Variants in CCSER2 observed in about 807,000 individuals in gnomAD.
CCSER2 encodes serine-rich coiled-coil domain-containing protein 2.
Under a neutral mutation model 92.3 loss-of-function variants are expected in CCSER2, and 46 were observed. That is an observed-to-expected ratio of 0.50 (90% confidence interval 0.39 to 0.64). The LOEUF is 0.64. Ranked by LOEUF, CCSER2 falls within the 30% of genes least tolerant of loss-of-function variation. CCSER2 has a pLI of 0.00. For missense variants in CCSER2, 1,244 were observed against 1,238.9 expected, an observed-to-expected ratio of 1.00 and a Z score of -0.06; for synonymous variants, 433 against 431.4, an observed-to-expected ratio of 1.00 and a Z score of -0.04.
In CCSER2 at chr10:84,380,400, C is replaced by T. The variant is rs1345531081; in HGVS notation, c.1614+6585C>T. On this transcript the variant is annotated intron_variant, in intron 3 of 9. Transcript: ENST00000372088. ...TTCTTGTTAAATGTGTTGCAGTAATCTTCTCTGAGCCTGTTGCTTCTGTTT... is the reference window on the plus strand; with the variant it reads ...TTCTTGTTAAATGTGTTGCAGTAATTTTCTCTGAGCCTGTTGCTTCTGTTT... Among the ~76,000 whole-genome samples, 5 of 152,082 alleles carry T rather than the reference C, an allele frequency of 3.3e-5. No homozygotes were observed. The South Asian group carries it at 1.0e-3, about 31-fold the overall frequency.
At chr10:84,380,246 ATT>A (rs34518480) in intron 3 of CCSER2, among the ~76,000 whole-genome samples, 2 of 151,658 alleles carry the variant, frequency 1.3e-5, no homozygotes, top group African/African-American at 4.8e-5. Flanking sequence ...TGATTTTGTC[ATT>A]TTTTTCACAC....
At chr10:84,505,220 A>G (rs993972600) in intron 9 of CCSER2, among the ~76,000 whole-genome samples, 1 of 152,162 alleles carries the variant, frequency 6.6e-6, no homozygotes, top group Non-Finnish European at 1.5e-5. Flanking sequence ...GATATATTCT[A>G]AATTAATTTT....
At chr10:84,396,863 G>A (rs957433445) in intron 3 of CCSER2, among the ~76,000 whole-genome samples, 10 of 151,886 alleles carry the variant, frequency 6.6e-5, no homozygotes, top group South Asian at 2.1e-4. Context: ...TTTTTGTACC[G>A]CTGTATACTA....
intron 6 of CCSER2, among the ~76,000 whole-genome samples, chr10:84,460,807 A>G (rs1183394699): frequency 6.6e-6 from 1 of 152,076 alleles, no homozygotes; most frequent in Non-Finnish European, 1.5e-5. Flanking sequence ...AGCATTTGAG[A>G]TGTCTGTAAT....
chr10:84,488,537 T>C (rs1189601257), intron 9 of CCSER2, among the ~76,000 whole-genome samples: 1 of 152,212 alleles, frequency 6.6e-6, no homozygotes, highest in Non-Finnish European at 1.5e-5. Flanking sequence ...TAGAGGTGTT[T>C]ATGGTATTCT....
chr10:84,411,930 A>T (rs1018444804), intron 3 of CCSER2, among the ~76,000 whole-genome samples: 1 of 152,026 alleles, frequency 6.6e-6, no homozygotes, highest in African/African-American at 2.4e-5. Context: ...TTTCAGTATG[A>T]TATTGGTTGT....
rs75878297 is a variant in CCSER2, at chr10:84,400,287, A to G, written c.1615-17484A>G. 1.7e-4 allele frequency among the ~76,000 whole-genome samples: 26 copies of G among 152,266 alleles called. No homozygotes were observed. The East Asian group carries it at 4.2e-3, about 25-fold the overall frequency. ...CTCTTAATGTCGTATCAAAGAATTC[A>G]TTACCAGTCCAAAGTAAAAGTCACA... On this transcript the variant is annotated intron_variant, in intron 3 of 9. Coordinates refer to ENST00000372088, the MANE Select transcript of CCSER2 (RefSeq NM_001284240.2).
intron 5 of CCSER2, among the ~76,000 whole-genome samples, chr10:84,433,425 C>CCA (rs1233967730): frequency 2.1e-5 from 3 of 141,932 alleles, no homozygotes; most frequent in East Asian, 2.1e-4. Flanking sequence ...TCTCCCCACC[C>CCA]CACACACATA....
chr10:84,470,293 A>T, intron 7 of CCSER2, 79 bp from the exon 8 acceptor site: 1 of 822,056 alleles, frequency 1.2e-6, no homozygotes, highest in Non-Finnish European at 1.7e-6. Context: ...TTTGTTCATT[A>T]CTGTGTCTTC....
chr10:84,335,635 C>T (rs1843796583), intron 1 of CCSER2, among the ~76,000 whole-genome samples: 1 of 152,050 alleles, frequency 6.6e-6, no homozygotes, highest in South Asian at 2.1e-4. Flanking sequence ...GTCAAGATTG[C>T]AAAACCTTTG....
chr10:84,444,091 G>A (rs1298349758), intron 6 of CCSER2, among the ~76,000 whole-genome samples: 1 of 152,004 alleles, frequency 6.6e-6, no homozygotes, highest in Non-Finnish European at 1.5e-5. Flanking sequence ...GTATACCAGT[G>A]TAACAAACCT....
At chr10:84,338,574 A>G (rs1477048603) in intron 1 of CCSER2, among the ~76,000 whole-genome samples, 3 of 152,218 alleles carry the variant, frequency 2.0e-5, no homozygotes, top group Non-Finnish European at 4.4e-5. Context: ...CATCATCATC[A>G]TGATGGACTG....
At chr10:84,488,901 C>T (rs1348794751) in intron 9 of CCSER2, among the ~76,000 whole-genome samples, 1 of 152,218 alleles carries the variant, frequency 6.6e-6, no homozygotes, top group East Asian at 1.9e-4. Context: ...CCTCTACACA[C>T]TGCTTCAAAT....
chr10:84,389,504 G>T, intron 3 of CCSER2: 1 of 288,534 alleles, frequency 3.5e-6, no homozygotes, highest in South Asian at 3.1e-5. Context: ...CAGATCCTTC[G>T]AGGTACTGGT....
intron 1 of CCSER2, among the ~76,000 whole-genome samples, chr10:84,348,527 A>T (rs1302099803): frequency 6.6e-6 from 1 of 152,078 alleles, no homozygotes; most frequent in Non-Finnish European, 1.5e-5. Flanking sequence ...GGCGAGGGCG[A>T]GGGCGAGGGA....
intron 3 of CCSER2, among the ~76,000 whole-genome samples, chr10:84,383,243 A>C (rs901085149): frequency 6.6e-6 from 1 of 152,190 alleles, no homozygotes; most frequent in African/African-American, 2.4e-5. Context: ...TGTATCTGTG[A>C]CATTTTACTT....
chr10:84,419,363 A>AT (rs1564644521), intron 4 of CCSER2, among the ~76,000 whole-genome samples: 8 of 151,272 alleles, frequency 5.3e-5, no homozygotes, highest in African/African-American at 1.5e-4. Context: ...CTCAAAAAAA[A>AT]AAAAATAAAA....
chr10:84,374,299 A>G (rs142438287), intron 3 of CCSER2, among the ~76,000 whole-genome samples: 2 of 152,164 alleles, frequency 1.3e-5, no homozygotes, highest in African/African-American at 2.4e-5. Flanking sequence ...CTGAGGTAAC[A>G]TTGAAGTGCC....
At chr10:84,457,306 GTTATATATAATATA>G (rs1564684959) in intron 6 of CCSER2, among the ~76,000 whole-genome samples, 27 of 35,424 alleles carry the variant, frequency 7.6e-4, no homozygotes, top group Admixed American at 2.9e-3. Context: ...TATATAATAT[GTTATATATAATATA>G]TTATATATAA....
Sources: allele counts gnomAD v4.1 joint callset (sites outside exome capture counted in the v4.1 genomes callset), GRCh38; gene constraint gnomAD v4.1.1; transcripts MANE v1.5; gene names NCBI Gene and HGNC (gene_info 2026-07-23, HGNC 2026-07-21).